BRD9: variants seen among roughly 807,000 people sequenced by gnomAD.
BRD9 encodes the protein bromodomain-containing protein 9.
A neutral mutation model predicts 68.7 loss-of-function variants in BRD9; 47 were observed. The ratio of observed to expected loss-of-function variants is 0.68; its 90% CI spans 0.54 to 0.87. BRD9 has a LOEUF of 0.87. Ranked by LOEUF, BRD9 falls within the 40% of genes least tolerant of loss-of-function variation. The pLI is 0.00. For synonymous variants in BRD9, 313 were observed against 293.9 expected (o/e 1.06, Z -0.67); for missense variants, 670 against 748.4 (o/e 0.90, Z 1.22).
At chr5:866,905 A>C (rs537799611) in intron 14 of BRD9, among the ~76,000 whole-genome samples, 3 of 152,268 alleles carry the variant, frequency 2.0e-5, no homozygotes, top group African/African-American at 7.2e-5. Context: ...GAAAAGAAAA[A>C]CCCATTTTCT....
At chr5:870,317 T>C (rs1579913025) in intron 14 of BRD9, 156 bp downstream of exon 14, 3 of 617,182 alleles carry the variant, frequency 4.9e-6, no homozygotes, top group Non-Finnish European at 2.9e-6. Flanking sequence ...TTAGGAGCTA[T>C]GGTCCAAAAA....
At chr5:891,085 A>C in intron 3 of BRD9, 70 bp downstream of exon 3, 1 of 1,470,164 alleles carries the variant, frequency 6.8e-7, no homozygotes, top group Non-Finnish European at 9.1e-7. Context: ...GCAACAGGAC[A>C]CGGTGCCGAC....
At chr5:876,858 T>C (rs1751017697) in intron 11 of BRD9, among the ~76,000 whole-genome samples, 1 of 152,050 alleles carries the variant, frequency 6.6e-6, no homozygotes, top group African/African-American at 2.4e-5. Context: ...ACAGGGAGAC[T>C]CCGTGTCTTT....
chr5:870,644 C>T lies in BRD9; in HGVS notation c.1423-69G>A, dbSNP rs189849021. The T allele has an allele frequency of 3.3e-4, 359 of 1,098,852 alleles. 5 individuals are homozygous for T. The Admixed American group carries it at 4.0e-3, about 12-fold the overall frequency. 68.1% of individuals were successfully genotyped at this position (1,098,852 alleles called of 1,614,324 possible). Reference sequence around the variant, plus strand: ...GAAAAACGAAATGTTACTTCACACTCGCTATTGAAATCACTCTAATTATTT... The same window carrying T: ...GAAAAACGAAATGTTACTTCACACTTGCTATTGAAATCACTCTAATTATTT... On this transcript the variant is annotated intron_variant, in intron 13 of 15. Coordinates refer to ENST00000467963, the MANE Select transcript of BRD9 (RefSeq NM_023924.5).
chr5:875,349 CT>C (rs749144309), intron 12 of BRD9, among the ~76,000 whole-genome samples: 6,148 of 139,822 alleles, frequency 0.044, 345 homozygotes, highest in African/African-American at 0.14. Context: ...ACTTCAGACG[CT>C]TTTTTTTTTT....
At chr5:869,431 C>A (rs7733636) in intron 14 of BRD9, 1 of 448,696 alleles carries the variant, frequency 2.2e-6, no homozygotes, top group Middle Eastern at 3.3e-4. Context: ...AAAATATATC[C>A]CTTTGACATA....
intron 1 of BRD9, chr5:892,092 G>A (rs1052350372): frequency 4.5e-5 from 27 of 599,096 alleles, no homozygotes; most frequent in Non-Finnish European, 2.9e-6. Flanking sequence ...CTCACCAGAG[G>A]CCCTGTGGGA....
Position 878,663 on chromosome 5 carries a change from G to C in BRD9, c.1139-176C>G, listed in dbSNP as rs1751368344. ...GAGTTTTCCATGTGTAACCAGCAGG[G>C]GTGTAATTCACCACCCCTCATTTTA... is the stretch of plus-strand genomic sequence containing the variant. On this transcript the variant is annotated intron_variant, in intron 10 of 15. Coordinates refer to ENST00000467963, the MANE Select transcript of BRD9 (RefSeq NM_023924.5). 2.9e-5 allele frequency: 24 copies of C among 813,882 alleles called. No individual in the cohort carries two copies. In the South Asian group the frequency reaches 4.2e-4, roughly 14 times the overall value. 50.4% of individuals were successfully genotyped at this position (813,882 alleles called of 1,614,324 possible).
At chr5:889,304 T>C (rs1023228983) in intron 4 of BRD9, 139 bp from the exon 5 acceptor site, 2 of 1,005,298 alleles carry the variant, frequency 2.0e-6, no homozygotes, top group Non-Finnish European at 1.4e-6. Flanking sequence ...TTTAATTTAT[T>C]GTGATAGGTA....
chr5:877,450 G>A (rs1422180947), intron 11 of BRD9, among the ~76,000 whole-genome samples: 3 of 152,164 alleles, frequency 2.0e-5, no homozygotes, highest in African/African-American at 7.2e-5. Flanking sequence ...GGGGATTCTT[G>A]TTTATTTTTA....
At chr5:891,012 G>C (rs925530222) in intron 3 of BRD9, 143 bp downstream of exon 3, 2 of 1,086,722 alleles carry the variant, frequency 1.8e-6, no homozygotes, top group Non-Finnish European at 2.5e-6. Context: ...CCTCAGGCCA[G>C]AGGACACCTG....
chr5:892,542 C>T, intron 1 of BRD9, 64 bp downstream of exon 1: 5 of 1,522,016 alleles, frequency 3.3e-6, no homozygotes, highest in Non-Finnish European at 4.4e-6. Flanking sequence ...GTCCGCGTGC[C>T]CGGAACTCCT....
chr5:883,225 T>C (rs1752055752), intron 8 of BRD9: 1 of 429,576 alleles, frequency 2.3e-6, no homozygotes. Context: ...TCCCATCCCA[T>C]GTGCATTTTG....
At chr5:892,232 C>A (rs1753543504) in intron 1 of BRD9, 1 of 444,268 alleles carries the variant, frequency 2.3e-6, no homozygotes, top group East Asian at 4.6e-5. Flanking sequence ...GCCCGTGCTG[C>A]CCGCTGACAC....
intron 12 of BRD9, among the ~76,000 whole-genome samples, chr5:872,052 C>T (rs79386703): frequency 0.15 from 22,270 of 151,956 alleles, 2,168 homozygotes; most frequent in Non-Finnish European, 0.22. Context: ...GTGGGCCTGC[C>T]GTGGGCGCAG....
Position 892,652 on chromosome 5 carries a change from G to C in BRD9, c.6C>G (p.Gly2=), listed in dbSNP as rs375328319. Residue 2 remains glycine, a synonymous_variant, in exon 1 of 16, where the codon GGC becomes GGG. Coordinates refer to ENST00000467963, the MANE Select transcript of BRD9 (RefSeq NM_023924.5). ...CGGCCTTGTGCTTCTTGTGCTTCTT[G>C]CCCATGGCGGCGCCGGCGGCGGGCC... The part of the protein sequence containing the change: M[G]KKHKKHKAEW... The C allele has an allele frequency of 9.3e-3, 13,316 of 1,435,422 alleles. 86 individuals are homozygous for C. The highest frequency in any genetic ancestry group is 0.014 in the Admixed American group (463 of 33,364). The allele number at this position is 1,435,422 out of a possible 1,614,324, so 88.9% of individuals were successfully genotyped here.
intron 8 of BRD9, 46 bp from the exon 9 acceptor site, chr5:881,228 C>T (rs775756318): frequency 2.5e-5 from 39 of 1,563,980 alleles, no homozygotes; most frequent in Middle Eastern, 1.7e-4. Context: ...GGAGGGGCAG[C>T]GCAGCACAAA....
In BRD9 at chr5:875,990, A is replaced by G. The variant is rs557513020; in HGVS notation, c.1383+111T>C. ...GATCCTGACGAGGAGCCGGCAGCAG[A>G]GTCCCTGCGACAGCTCCTCGTCCCC... On this transcript the variant is annotated intron_variant, in intron 12 of 15. Coordinates refer to ENST00000467963, the MANE Select transcript of BRD9 (RefSeq NM_023924.5). 66 of 695,748 alleles carry G rather than the reference A, an allele frequency of 9.5e-5. No individual in the cohort carries two copies. In the South Asian group the frequency reaches 1.2e-3, roughly 13 times the overall value. The allele number at this position is 695,748 out of a possible 1,614,324, so 43.1% of individuals were successfully genotyped here. A position where few individuals can be genotyped will look rare whatever the true frequency, so the allele number is the denominator to read the frequency against.
chr5:891,209 C>A lies in BRD9; in HGVS notation c.346G>T (p.Val116Leu). Reference protein sequence around the residue: ...EADDFDPGKKVEVEPPPDRPV... With the variant: ...EADDFDPGKKLEVEPPPDRPV... Reference sequence around the variant, plus strand: ...CGATCTGGGGGCGGCTCCACCTCCACCTTCTTCCCAGGATCAAAGTCGTCA... The same window carrying A: ...CGATCTGGGGGCGGCTCCACCTCCAACTTCTTCCCAGGATCAAAGTCGTCA... The change falls in exon 3 of 16, where the codon GTG (valine) becomes TTG (leucine). Residue 116 changes from valine to leucine, a missense_variant. Val to Leu is a conservative substitution (Grantham distance 32). Around this residue, in one of 5 missense-constraint regions of BRD9, gnomAD observed 161 missense variants for 148.1 expected, o/e 1.09. Transcript: ENST00000467963. 1 of 1,551,982 alleles carries A rather than the reference C, an allele frequency of 6.4e-7. No homozygotes were observed.
Sources: allele counts gnomAD v4.1 joint callset (sites outside exome capture counted in the v4.1 genomes callset), GRCh38; gene constraint gnomAD v4.1.1; regional missense constraint gnomAD v4.1.1; transcripts MANE v1.5; gene names NCBI Gene and HGNC (gene_info 2026-07-23, HGNC 2026-07-21).